The following GRM8 variants were observed in gnomAD, a reference collection of about 807,000 sequenced individuals.
GRM8 encodes the protein metabotropic glutamate receptor 8.
A neutral mutation model predicts 87.2 loss-of-function variants in GRM8; 47 were observed. The ratio of observed to expected loss-of-function variants is 0.54; its 90% CI spans 0.43 to 0.69. The LOEUF is 0.69. Among genes scored for constraint, GRM8 ranks in the 30% least tolerant of loss-of-function variants. The pLI, the probability that GRM8 is intolerant of heterozygous loss-of-function variation, is 0.00. For missense variants in GRM8, 1,019 were observed against 1,139.2 expected (o/e 0.89, Z 1.52); for synonymous variants, 396 against 404.5 (o/e 0.98, Z 0.25).
At chr7:126,479,377 C>T (rs1424265613) in intron 9 of GRM8, among the ~76,000 whole-genome samples, 1 of 152,050 alleles carries the variant, frequency 6.6e-6, no homozygotes, top group Non-Finnish European at 1.5e-5. Context: ...GCAATACTCT[C>T]CATGAGCCTT....
intron 6 of GRM8, among the ~76,000 whole-genome samples, chr7:126,794,282 AT>A (rs1394987741): frequency 6.6e-6 from 1 of 152,138 alleles, no homozygotes; most frequent in Middle Eastern, 3.2e-3. Context: ...TCTCACAGCC[AT>A]TTTGCTCAGC....
chr7:126,592,984 GA>G (rs1796832443), intron 8 of GRM8, among the ~76,000 whole-genome samples: 1 of 151,736 alleles, frequency 6.6e-6, no homozygotes, highest in Non-Finnish European at 1.5e-5. Flanking sequence ...AGAACAATCT[GA>G]AAAAGTCAAG....
At chr7:126,474,552 C>T (rs1805678168) in intron 9 of GRM8, among the ~76,000 whole-genome samples, 1 of 152,142 alleles carries the variant, frequency 6.6e-6, no homozygotes, top group Admixed American at 6.6e-5. Flanking sequence ...GCAAGAGCCA[C>T]CATGCCCAAC....
intron 7 of GRM8, among the ~76,000 whole-genome samples, chr7:126,678,878 A>G (rs1424735860): frequency 6.6e-6 from 1 of 152,216 alleles, no homozygotes; most frequent in Non-Finnish European, 1.5e-5. Context: ...AAATATTGTA[A>G]CTGGTAATTT....
At position 126,924,983 on chromosome 7, in the gene GRM8, A is replaced by C. The variant is rs1804942512; in HGVS notation, c.728-20300T>G. 2.6e-5 allele frequency among the ~76,000 whole-genome samples: 4 copies of C among 152,146 alleles called. No homozygotes were observed. In the South Asian group the frequency reaches 8.3e-4, roughly 32 times the overall value. On this transcript the variant is annotated intron_variant, in intron 3 of 10. Coordinates refer to ENST00000339582, the MANE Select transcript of GRM8 (RefSeq NM_000845.3). Reference sequence around the variant, plus strand: ...AAAAACAGGCAAAGAAGAGACACACACACAGAGAAAGAAAAGATATAGAAA... The same window carrying C: ...AAAAACAGGCAAAGAAGAGACACACCCACAGAGAAAGAAAAGATATAGAAA...
intron 6 of GRM8, among the ~76,000 whole-genome samples, chr7:126,779,384 C>T (rs185996810): frequency 5.5e-4 from 84 of 152,116 alleles, no homozygotes; most frequent in Admixed American, 4.3e-3. Flanking sequence ...TCTTAATATG[C>T]CAATGCTACA....
chr7:127,004,540 G>A (rs1814070922), intron 3 of GRM8, among the ~76,000 whole-genome samples: 1 of 151,466 alleles, frequency 6.6e-6, no homozygotes, highest in South Asian at 2.1e-4. Flanking sequence ...CGATATTGAG[G>A]TAAAAAATAA....
At chr7:127,077,185 A>G (rs1822370448) in intron 3 of GRM8, among the ~76,000 whole-genome samples, 1 of 152,140 alleles carries the variant, frequency 6.6e-6, no homozygotes, top group East Asian at 1.9e-4. Flanking sequence ...ACTGTGCTGG[A>G]ATAAGAGCTT....
chr7:126,867,442 A>G (rs1488411013), intron 6 of GRM8, among the ~76,000 whole-genome samples: 1 of 152,224 alleles, frequency 6.6e-6, no homozygotes, highest in Non-Finnish European at 1.5e-5. Flanking sequence ...AGTTGTATTG[A>G]CTGGAGACTT....
intron 6 of GRM8, among the ~76,000 whole-genome samples, chr7:126,841,292 T>C (rs1796248464): frequency 6.6e-6 from 1 of 152,156 alleles, no homozygotes; most frequent in African/African-American, 2.4e-5. Context: ...CTGCTGGTGG[T>C]TTGGCTCCTC....
At chr7:126,683,127 G>A (rs528971065) in intron 7 of GRM8, among the ~76,000 whole-genome samples, 1 of 152,340 alleles carries the variant, frequency 6.6e-6, no homozygotes, top group East Asian at 1.9e-4. Context: ...ACAGCAGTCA[G>A]AAAAATGGTG....
chr7:126,614,134 G>A (rs570769319), intron 7 of GRM8, among the ~76,000 whole-genome samples: 1 of 152,258 alleles, frequency 6.6e-6, no homozygotes, highest in South Asian at 2.1e-4. Context: ...TCCCAGTAGG[G>A]GCAGACTAAC....
At chr7:126,445,706 T>C (rs575486671) in intron 10 of GRM8, among the ~76,000 whole-genome samples, 1 of 152,074 alleles carries the variant, frequency 6.6e-6, no homozygotes, top group South Asian at 2.1e-4. Context: ...AATAACATCA[T>C]TTATATGTGT....
At chr7:126,488,547 C>T (rs1807627632) in intron 9 of GRM8, among the ~76,000 whole-genome samples, 1 of 151,964 alleles carries the variant, frequency 6.6e-6, no homozygotes, top group Non-Finnish European at 1.5e-5. Flanking sequence ...TTGTAAAACA[C>T]ACCTTTTTCC....
chr7:126,889,479 G>T (rs1800795286), intron 6 of GRM8, among the ~76,000 whole-genome samples: 1 of 152,064 alleles, frequency 6.6e-6, no homozygotes, highest in Non-Finnish European at 1.5e-5. Flanking sequence ...TATCTGGGTT[G>T]CAAGTAGCAC....
At chr7:126,521,715 C>A (rs1813011741) in intron 9 of GRM8, among the ~76,000 whole-genome samples, 1 of 152,086 alleles carries the variant, frequency 6.6e-6, no homozygotes, top group South Asian at 2.1e-4. Context: ...ATAAAGATTA[C>A]TCTAAAATTT....
chr7:126,776,475 A>G (rs1563177623), intron 6 of GRM8, among the ~76,000 whole-genome samples: 1 of 152,150 alleles, frequency 6.6e-6, no homozygotes, highest in Non-Finnish European at 1.5e-5. Context: ...CCTCAATTAA[A>G]AGGACTGATT....
chr7:126,845,546 T>G (rs1208191569), intron 6 of GRM8, among the ~76,000 whole-genome samples: 2 of 152,144 alleles, frequency 1.3e-5, no homozygotes, highest in Admixed American at 1.3e-4. Flanking sequence ...TTACACACCA[T>G]AGCCTGATAA....
intron 9 of GRM8, among the ~76,000 whole-genome samples, 158 bp downstream of exon 9, chr7:126,532,794 T>G (rs1202739170): frequency 3.8e-5 from 2 of 52,706 alleles, no homozygotes; most frequent in Admixed American, 1.6e-4. Flanking sequence ...TATATATATA[T>G]ATATATATAT....
Sources: gnomAD v4.1 joint callset for allele counts (sites outside exome capture counted in the v4.1 genomes callset) on GRCh38, gnomAD v4.1.1 for gene constraint, MANE v1.5 for transcripts, NCBI Gene and HGNC (gene_info 2026-07-23, HGNC 2026-07-21) for gene names.